Variants in ELFN2 observed in about 807,000 individuals in gnomAD.
The protein encoded by ELFN2 is protein phosphatase 1 regulatory subunit 29.
ELFN2 carries 17 observed loss-of-function variants against 45.5 expected under a neutral mutation model. The ratio of observed to expected loss-of-function variants is 0.37; its 90% CI spans 0.26 to 0.56. The LOEUF (loss-of-function observed/expected upper bound fraction) is 0.56, where lower values mean the gene tolerates loss of function less well. Among genes scored for constraint, ELFN2 ranks in the 20% least tolerant of loss-of-function variants. The pLI, the probability that ELFN2 is intolerant of heterozygous loss-of-function variation, is 0.77. For synonymous variants in ELFN2, 550 were observed against 551.5 expected (o/e 1.00, Z 0.04); for missense variants, 922 against 1,183.2 (o/e 0.78, Z 3.24).
At chr22:37,404,881 G>A (rs1453920529) in intron 2 of ELFN2, among the ~76,000 whole-genome samples, 1 of 152,150 alleles carries the variant, frequency 6.6e-6, no homozygotes, top group Non-Finnish European at 1.5e-5. Flanking sequence ...TCTGTAAAAT[G>A]AGAATAAAAG....
In ELFN2 at chr22:37,371,219, G is replaced by A. The variant is rs1268217346; in HGVS notation, c.*1853C>T. 6.6e-6 allele frequency: 1 copy of A among 152,478 alleles called. No individual in the cohort carries two copies. The highest frequency in any genetic ancestry group is 1.5e-5 in the Non-Finnish European group (1 of 68,184). The allele number at this position is 152,478 out of a possible 1,614,324, so 9.4% of individuals were successfully genotyped here. A position where few individuals can be genotyped will look rare whatever the true frequency, so the allele number is the denominator to read the frequency against. On this transcript the variant is annotated 3_prime_UTR_variant, in exon 3 of 3. Transcript: ENST00000402918. The surrounding 1 kb of genome is among the most constrained non-coding windows in gnomAD (Gnocchi z 6.4). ...AAGGTCGTTGGGGTCCCCAGGGGAT[G>A]GCACTAGCTTTCCTGGTCAGAGCCC...
chr22:37,408,714 G>C (rs565802820), intron 2 of ELFN2, among the ~76,000 whole-genome samples: 90 of 152,306 alleles, frequency 5.9e-4, no homozygotes, highest in Non-Finnish European at 9.7e-4. Context: ...GGTTCAGATG[G>C]CCAGTTTCAA....
intron 1 of ELFN2, among the ~76,000 whole-genome samples, chr22:37,421,586 G>A (rs1472492810): frequency 6.6e-6 from 1 of 152,154 alleles, no homozygotes; most frequent in Non-Finnish European, 1.5e-5. Context: ...AGGGCCCTGA[G>A]CTCTGCCAGG....
chr22:37,374,565 T>C lies in ELFN2; in HGVS notation c.970A>G (p.Ile324Val), dbSNP rs751066782. 1 of 1,614,130 alleles carries C rather than the reference T, an allele frequency of 6.2e-7. No individual in the cohort carries two copies. Among genetic ancestry groups the C allele is most frequent in the African/African-American group, 1.3e-5 (1 of 74,960 alleles). Residue 324 changes from isoleucine to valine, a missense_variant, in exon 3 of 3, where the codon ATC (isoleucine) becomes GTC (valine). Transcript: ENST00000402918. The part of the protein sequence containing the change: ...IIPHPYSKMY[I>V]LVQYNNSYFS... ...TAGCTGTTGTTGTACTGCACGAGGA[T>C]GTACATCTTGCTGTAGGGGTGTGGG...
chr22:37,410,428 G>A (rs759920045), intron 2 of ELFN2, among the ~76,000 whole-genome samples: 30 of 152,114 alleles, frequency 2.0e-4, no homozygotes, highest in African/African-American at 4.8e-4. Flanking sequence ...CCACGAGTGC[G>A]GGCAGTGGGT....
chr22:37,345,998 G>A (rs1028983598), intron 1 of ELFN2, among the ~76,000 whole-genome samples: 7 of 152,116 alleles, frequency 4.6e-5, no homozygotes, highest in Non-Finnish European at 5.9e-5. Context: ...ACCCTCGCCT[G>A]GAATCCTCTC....
intron 2 of ELFN2, among the ~76,000 whole-genome samples, chr22:37,383,047 C>T (rs1007382333): frequency 1.3e-5 from 2 of 152,330 alleles, no homozygotes; most frequent in South Asian, 2.1e-4. Context: ...AACAGCACCA[C>T]GTCCTCTACC....
downstream of ELFN2, among the ~76,000 whole-genome samples, chr22:37,367,623 C>T (rs76091693): frequency 0.011 from 1,640 of 152,312 alleles, 26 homozygotes; most frequent in African/African-American, 0.038. Context: ...CTCTGAATCC[C>T]GGGTGTGGGA....
At chr22:37,423,756 G>A (rs539514816) in intron 1 of ELFN2, among the ~76,000 whole-genome samples, 24 of 152,060 alleles carry the variant, frequency 1.6e-4, no homozygotes, top group Admixed American at 4.6e-4. Flanking sequence ...GGCACCCCAG[G>A]CATAAGCAAG....
At chr22:37,391,105 C>A (rs938495180) in intron 2 of ELFN2, among the ~76,000 whole-genome samples, 2 of 152,226 alleles carry the variant, frequency 1.3e-5, no homozygotes, top group Non-Finnish European at 2.9e-5. Flanking sequence ...GGAGGACCCA[C>A]AGCCAAAGCC....
intron 2 of ELFN2, among the ~76,000 whole-genome samples, chr22:37,395,778 C>G (rs1482704070): frequency 6.6e-6 from 1 of 152,186 alleles, no homozygotes; most frequent in East Asian, 1.9e-4. Flanking sequence ...CTGCAAAGAC[C>G]TGCAAAACTA....
chr22:37,375,301 A>C lies in ELFN2; in HGVS notation c.234T>G (p.Phe78Leu). Reference sequence around the variant, plus strand: ...TGAGGTTGAGGTCGGTGAGGTTCCCAAAGCGGTTGAGCGAGGAGTAGAGCA... The same window carrying C: ...TGAGGTTGAGGTCGGTGAGGTTCCCCAAGCGGTTGAGCGAGGAGTAGAGCA... Reference protein sequence around the residue: ...KAVLYSSLNRFGNLTDLNLTK... With the variant: ...KAVLYSSLNRLGNLTDLNLTK... The change falls in exon 3 of 3, where the codon TTT becomes TTG. Residue 78 changes from phenylalanine to leucine, a missense_variant. Around this residue, in one of 2 missense-constraint regions of ELFN2, gnomAD observed 358 missense variants for 540.4 expected, o/e 0.66. Coordinates refer to ENST00000402918, the MANE Select transcript of ELFN2 (RefSeq NM_052906.5). 6.2e-7 allele frequency: 1 copy of C among 1,614,060 alleles called. No homozygotes were observed. The highest frequency in any genetic ancestry group is 8.5e-7 in the Non-Finnish European group (1 of 1,180,002).
chr22:37,402,058 T>C (rs1456137558), intron 2 of ELFN2, among the ~76,000 whole-genome samples: 1 of 152,180 alleles, frequency 6.6e-6, no homozygotes, highest in Non-Finnish European at 1.5e-5. Flanking sequence ...GCTCCTGACT[T>C]AACCTCTCTG....
chr22:37,395,735 C>A (rs896199429), intron 2 of ELFN2, among the ~76,000 whole-genome samples: 2 of 152,196 alleles, frequency 1.3e-5, no homozygotes, highest in Non-Finnish European at 2.9e-5. Context: ...CAGGGGCCCA[C>A]CACACACCAG....
At chr22:37,341,734 T>C (rs1386920409) in intron 2 of ELFN2, among the ~76,000 whole-genome samples, 1 of 152,244 alleles carries the variant, frequency 6.6e-6, no homozygotes, top group Non-Finnish European at 1.5e-5. Flanking sequence ...TACCAAGCAC[T>C]GGTTCAGAAG....
At chr22:37,363,811 C>T (rs890907250), downstream of ELFN2, among the ~76,000 whole-genome samples, 4 of 152,192 alleles carry the variant, frequency 2.6e-5, no homozygotes, top group African/African-American at 7.2e-5. Flanking sequence ...GCTCCCAGAA[C>T]GGCAGGGCCG....
At chr22:37,421,752 A>G (rs1932810574) in intron 1 of ELFN2, among the ~76,000 whole-genome samples, 1 of 152,204 alleles carries the variant, frequency 6.6e-6, no homozygotes, top group African/African-American at 2.4e-5. Context: ...AATTTGTTTA[A>G]TAAGTATTTT....
At chr22:37,403,158 CATGAGGT>C (rs2145673401) in intron 2 of ELFN2, among the ~76,000 whole-genome samples, 1 of 152,224 alleles carries the variant, frequency 6.6e-6, no homozygotes, top group Non-Finnish European at 1.5e-5. Flanking sequence ...GCAAGTCCCC[CATGAGGT>C]ATCACTCCAT....
At chr22:37,391,935 G>A (rs1247384382) in intron 2 of ELFN2, among the ~76,000 whole-genome samples, 1 of 152,228 alleles carries the variant, frequency 6.6e-6, no homozygotes, top group Admixed American at 6.5e-5. Context: ...GGTGACATGG[G>A]CAGTGACCGG....
Sources: allele counts gnomAD v4.1 joint callset (sites outside exome capture counted in the v4.1 genomes callset), GRCh38; gene constraint gnomAD v4.1.1; regional missense constraint gnomAD v4.1.1; non-coding constraint Gnocchi (gnomAD v3.1); transcripts MANE v1.5; gene names NCBI Gene and HGNC (gene_info 2026-07-23, HGNC 2026-07-21).